GRIK4: variants seen among roughly 807,000 people sequenced by gnomAD.
GRIK4 encodes glutamate receptor ionotropic, kainate 4.
In GRIK4, 40 loss-of-function variants were observed where a neutral mutation model predicts 104.9. The ratio of observed to expected loss-of-function variants is 0.38; its 90% CI spans 0.30 to 0.50. The LOEUF is 0.50. Among genes scored for constraint, GRIK4 ranks in the 20% least tolerant of loss-of-function variants. GRIK4 has a pLI of 0.93. For missense variants in GRIK4, 1,047 were observed against 1,308.1 expected (o/e 0.80, Z 3.08); for synonymous variants, 485 against 524.9 (o/e 0.92, Z 1.04).
At chr11:120,749,576 A>G (rs921609588) in intron 3 of GRIK4, among the ~76,000 whole-genome samples, 2 of 152,230 alleles carry the variant, frequency 1.3e-5, no homozygotes, top group Non-Finnish European at 2.9e-5. Context: ...ACTCCCCAGA[A>G]TGAATCACAC....
chr11:120,909,011 G>A (rs767758351), intron 13 of GRIK4, among the ~76,000 whole-genome samples: 1 of 152,260 alleles, frequency 6.6e-6, no homozygotes, highest in Admixed American at 6.5e-5. Flanking sequence ...GCCCAAAGAC[G>A]CCTCAGGGCT....
In GRIK4 at chr11:120,909,027, C is replaced by T. The variant is rs145505454; in HGVS notation, c.1476+3534C>T. 2.3e-3 allele frequency among the ~76,000 whole-genome samples: 346 copies of T among 152,346 alleles called. 1 individual carries two copies. The highest frequency in any genetic ancestry group is 7.9e-3 in the African/African-American group (327 of 41,578). On this transcript the variant is annotated intron_variant, in intron 13 of 20. Coordinates refer to ENST00000527524, the MANE Select transcript of GRIK4 (RefSeq NM_014619.5). Reference sequence around the variant, plus strand: ...CCCAAAGACGCCTCAGGGCTGGAGGCTCGAGGACAGGGTGCAAGGAGTGAG... The same window carrying T: ...CCCAAAGACGCCTCAGGGCTGGAGGTTCGAGGACAGGGTGCAAGGAGTGAG...
chr11:120,893,441 G>A (rs1001429937), intron 11 of GRIK4, among the ~76,000 whole-genome samples: 1 of 152,206 alleles, frequency 6.6e-6, no homozygotes, highest in African/African-American at 2.4e-5. Context: ...TAAATATTGT[G>A]GAACCAATTA....
At chr11:120,975,593 G>A (rs553109092) in intron 19 of GRIK4, among the ~76,000 whole-genome samples, 16 of 152,236 alleles carry the variant, frequency 1.1e-4, no homozygotes, top group East Asian at 5.8e-4. Context: ...ACAAATCATC[G>A]ATTCAAACAT....
intron 11 of GRIK4, among the ~76,000 whole-genome samples, chr11:120,876,602 A>G (rs1954827399): frequency 6.6e-6 from 1 of 151,814 alleles, no homozygotes; most frequent in African/African-American, 2.4e-5. Flanking sequence ...AACCCTACAA[A>G]ATAGATACTT....
intron 1 of GRIK4, among the ~76,000 whole-genome samples, chr11:120,639,482 C>T (rs1351786287): frequency 6.6e-6 from 1 of 152,168 alleles, no homozygotes; most frequent in Non-Finnish European, 1.5e-5. Context: ...CTCTAATCTC[C>T]TGGGGAAGTC....
intron 3 of GRIK4, among the ~76,000 whole-genome samples, chr11:120,701,750 G>A (rs139380378): frequency 3.5e-4 from 53 of 152,246 alleles, no homozygotes; most frequent in African/African-American, 1.0e-3. Flanking sequence ...ATTGAGAATA[G>A]GCTGAAGGGA....
chr11:120,630,957 G>T lies in GRIK4; in HGVS notation c.-158-22728G>T, dbSNP rs1949326112. On this transcript the variant is annotated intron_variant, in intron 1 of 20. Transcript: ENST00000527524. ...AGAAGCACTCCAGCCGAGCGGTTAA[G>T]AATGGTGGGCTGCACAGTGCTGGTG... 2.0e-5 allele frequency among the ~76,000 whole-genome samples: 3 copies of T among 152,228 alleles called. No homozygotes were observed. The South Asian group carries it at 6.2e-4, about 32-fold the overall frequency.
rs1425405335 is a variant in GRIK4 at position 120,511,925 on chromosome 11, T to G, written c.-159+38T>G. On this transcript the variant is annotated intron_variant, in intron 1 of 20. Coordinates refer to ENST00000527524, the MANE Select transcript of GRIK4 (RefSeq NM_014619.5). ...GCCCCCCGCGGCGCCCCCGGCCCGC[T>G]CCCTGCGCTGCCCCCGCGCCCCCGA... 23 of 73,618 alleles carry G rather than the reference T, an allele frequency of 3.1e-4. No homozygotes were observed. In the South Asian group the frequency reaches 7.5e-3, roughly 24 times the overall value. The allele number at this position is 73,618 out of a possible 1,614,324, so 4.6% of individuals were successfully genotyped here. A position where few individuals can be genotyped will look rare whatever the true frequency, so the allele number is the denominator to read the frequency against.
Position 120,982,099 on chromosome 11 carries a change from CT to C in GRIK4, c.2396-5del. The C allele has an allele frequency of 6.6e-7, 1 of 1,520,986 alleles. No homozygotes were observed. Among genetic ancestry groups the C allele is most frequent in the Non-Finnish European group, 9.1e-7 (1 of 1,095,370 alleles). 94.2% of individuals were successfully genotyped at this position (1,520,986 alleles called of 1,614,324 possible). A position where few individuals can be genotyped will look rare whatever the true frequency, so the allele number is the denominator to read the frequency against. On this transcript the variant is annotated splice_polypyrimidine_tract_variant and splice_region_variant and intron_variant, in intron 19 of 20. Coordinates refer to ENST00000527524, the MANE Select transcript of GRIK4 (RefSeq NM_014619.5). Reference sequence around the variant, plus strand: ...AATATTTTTCATTTGTTATCACTTTCTTACAGGCCTGGGAATGGAGAATATT... The same window carrying C: ...AATATTTTTCATTTGTTATCACTTTCTACAGGCCTGGGAATGGAGAATATT...
intron 4 of GRIK4, among the ~76,000 whole-genome samples, chr11:120,807,567 G>A (rs1402322334): frequency 1.3e-5 from 2 of 152,186 alleles, no homozygotes; most frequent in Non-Finnish European, 2.9e-5. Context: ...GGCTCCACGA[G>A]CATGACCTCT....
chr11:120,530,281 CG>C (rs747371804), intron 1 of GRIK4, among the ~76,000 whole-genome samples: 6 of 152,286 alleles, frequency 3.9e-5, no homozygotes, highest in African/African-American at 7.2e-5. Flanking sequence ...GCAAATGAAT[CG>C]GTCGATGGCC....
chr11:120,852,502 G>A (rs950772616), intron 8 of GRIK4, among the ~76,000 whole-genome samples: 3 of 152,234 alleles, frequency 2.0e-5, no homozygotes, highest in African/African-American at 7.2e-5. Context: ...AAAGGACAGA[G>A]TTCCTGGGAG....
intron 3 of GRIK4, among the ~76,000 whole-genome samples, chr11:120,774,782 G>A (rs1402228448): frequency 3.3e-5 from 5 of 152,214 alleles, no homozygotes; most frequent in African/African-American, 1.2e-4. Context: ...GCCGAGAGGA[G>A]TGGGGACTCT....
At chr11:120,698,030 G>A (rs1487821437) in intron 3 of GRIK4, among the ~76,000 whole-genome samples, 2 of 152,116 alleles carry the variant, frequency 1.3e-5, no homozygotes, top group Non-Finnish European at 2.9e-5. Flanking sequence ...TGACATCAAG[G>A]CAGGGGGGCA....
intron 3 of GRIK4, among the ~76,000 whole-genome samples, chr11:120,794,782 C>T (rs1952478368): frequency 6.6e-6 from 1 of 152,108 alleles, no homozygotes; most frequent in Non-Finnish European, 1.5e-5. Context: ...TGCTAAGGGT[C>T]TGTGGTGTGG....
chr11:120,627,085 T>G (rs12807172), intron 1 of GRIK4, among the ~76,000 whole-genome samples: 97,042 of 152,086 alleles, frequency 0.64, 31,208 homozygotes, highest in African/African-American at 0.67. Flanking sequence ...AGAGCCCCGG[T>G]CTGTGTGTCT....
At chr11:120,904,241 G>A (rs1004890359) in intron 12 of GRIK4, among the ~76,000 whole-genome samples, 3 of 152,050 alleles carry the variant, frequency 2.0e-5, no homozygotes, top group African/African-American at 7.2e-5. Context: ...TTCTGCCTGC[G>A]TAGCCTGCCA....
intron 12 of GRIK4, among the ~76,000 whole-genome samples, chr11:120,901,873 A>C (rs1942746461): frequency 1.3e-5 from 2 of 152,228 alleles, no homozygotes; most frequent in Admixed American, 1.3e-4. Flanking sequence ...ACATACGTGC[A>C]CGTGCTCATG....
Sources: allele counts gnomAD v4.1 joint callset (sites outside exome capture counted in the v4.1 genomes callset), GRCh38; gene constraint gnomAD v4.1.1; transcripts MANE v1.5; gene names NCBI Gene and HGNC (gene_info 2026-07-23, HGNC 2026-07-21).